ATM: variants seen among roughly 807,000 people sequenced by gnomAD.
The protein encoded by ATM is ATM serine/threonine kinase, also known as serine-protein kinase ATM.
A neutral mutation model predicts 387.0 loss-of-function variants in ATM; 308 were observed. That is an observed-to-expected ratio of 0.80 (90% CI 0.73 to 0.87). The LOEUF (loss-of-function observed/expected upper bound fraction) is 0.87, where lower values mean the gene tolerates loss of function less well. ATM is among the 40% of genes least tolerant of loss of function. The probability of loss-of-function intolerance (pLI) is 0.00; values close to 1 mark genes in which losing one functional copy is unlikely to be tolerated. For missense variants in ATM, 3,312 were observed against 3,560.9 expected (o/e 0.93, Z 1.78); for synonymous variants, 1,156 against 1,187.3 (o/e 0.97, Z 0.54).
intron 37 of ATM, among the ~76,000 whole-genome samples, chr11:108,307,546 T>C (rs1201533591): frequency 1.3e-5 from 2 of 152,216 alleles, no homozygotes; most frequent in Non-Finnish European, 2.9e-5. Context: ...ACTTATCATA[T>C]TGTGTTGTAA....
chr11:108,267,416 A>G (rs1317276665), intron 17 of ATM, 74 bp downstream of exon 17: 10 of 1,373,988 alleles, frequency 7.3e-6, no homozygotes, highest in African/African-American at 1.4e-5. Context: ...GGCCTCATTG[A>G]TATCAATTTT....
chr11:108,351,091 T>C (rs546766748), intron 59 of ATM, among the ~76,000 whole-genome samples: 7 of 152,310 alleles, frequency 4.6e-5, no homozygotes, highest in African/African-American at 1.2e-4. Flanking sequence ...GAATGAATAA[T>C]AACACACAAT....
chr11:108,242,954 T>G (rs888724282), intron 5 of ATM, among the ~76,000 whole-genome samples: 3 of 152,162 alleles, frequency 2.0e-5, no homozygotes, highest in Non-Finnish European at 4.4e-5. Flanking sequence ...GCACAGTGGC[T>G]TATGCGTGTA....
At chr11:108,258,909 A>T (rs2080684782) in intron 15 of ATM, 77 bp from the exon 16 acceptor site, 1 of 1,183,370 alleles carries the variant, frequency 8.5e-7, no homozygotes, top group Non-Finnish European at 1.3e-6. Context: ...TCCATTCAAG[A>T]TAGAGAAAAC....
chr11:108,337,086 TGAA>T (rs927058637), intron 56 of ATM, among the ~76,000 whole-genome samples: 8 of 151,742 alleles, frequency 5.3e-5, no homozygotes, highest in Admixed American at 2.0e-4. Flanking sequence ...AATAGGGGAG[TGAA>T]GAAGAATAAA....
At chr11:108,329,759 A>C (rs1164977957) in intron 49 of ATM, among the ~76,000 whole-genome samples, 3 of 152,150 alleles carry the variant, frequency 2.0e-5, no homozygotes, top group African/African-American at 7.2e-5. Flanking sequence ...TAAGATATTG[A>C]CGTGTTCTTT....
Position 108,289,770 on chromosome 11 carries a change from A to G in ATM, c.4405A>G (p.Ile1469Val). ...GAWAFVLRDV[I>V]YTLIHYINQR... The stretch of plus-strand genomic sequence containing the variant: ...TTGGGCCTTTGTTCTTCGAGACGTT[A>G]TTTATACTTTGATTCACTATATCAA... The change falls in exon 29 of 63, where the codon ATT becomes GTT. Residue 1469 changes from isoleucine to valine, a missense_variant. Ile to Val is a conservative substitution (Grantham distance 29, BLOSUM62 3). Around this residue, in one of 4 missense-constraint regions of ATM, gnomAD observed 1,791 missense variants for 1,804.5 expected, o/e 0.99. Transcript: ENST00000675843. 3 of 1,613,382 alleles carry G rather than the reference A, an allele frequency of 1.9e-6. No individual in the cohort carries two copies. The highest frequency in any genetic ancestry group is 2.5e-6 in the Non-Finnish European group (3 of 1,179,922).
intron 61 of ATM, among the ~76,000 whole-genome samples, chr11:108,356,746 G>A (rs906733256): frequency 6.6e-6 from 1 of 152,132 alleles, no homozygotes; most frequent in Non-Finnish European, 1.5e-5. Flanking sequence ...AATCTTACTA[G>A]TTTAATGCCA....
At chr11:108,300,793 A>G (rs181059485) in intron 34 of ATM, among the ~76,000 whole-genome samples, 1 of 151,670 alleles carries the variant, frequency 6.6e-6, no homozygotes, top group African/African-American at 2.4e-5. Flanking sequence ...CTTATCATAT[A>G]GTATCTATAT....
In ATM at chr11:108,347,414, A is replaced by G. The variant is rs373699888; in HGVS notation, c.8671+49A>G. 2.8e-5 allele frequency: 40 copies of G among 1,421,276 alleles called. No homozygotes were observed. In the African/African-American group the frequency reaches 5.5e-4, roughly 20 times the overall value. The allele number at this position is 1,421,276 out of a possible 1,614,324, so 88.0% of individuals were successfully genotyped here. A position where few individuals can be genotyped will look rare whatever the true frequency, so the allele number is the denominator to read the frequency against. On this transcript the variant is annotated intron_variant, in intron 59 of 62. Transcript: ENST00000675843. ...TATTCTTTTTAGTAAATATTTGGTC[A>G]TCATGGAATGTTGTTTGCCTACCAA...
At chr11:108,333,029 T>C (rs748160539) in intron 53 of ATM, 129 bp downstream of exon 53, 77 of 1,193,946 alleles carry the variant, frequency 6.4e-5, no homozygotes, top group Admixed American at 1.3e-4. Flanking sequence ...TTAATTTATA[T>C]CTGATGGCTT....
intron 57 of ATM, 29 bp downstream of exon 57, chr11:108,343,400 T>TGTA: frequency 6.2e-7 from 1 of 1,612,770 alleles, no homozygotes; most frequent in Non-Finnish European, 8.5e-7. Context: ...TAAAGGTTAT[T>TGTA]GTAAGATTAT....
chr11:108,288,501 C>CTTTTTTTTTT, intron 27 of ATM, among the ~76,000 whole-genome samples: 1 of 126,718 alleles, frequency 7.9e-6, no homozygotes, highest in Non-Finnish European at 1.6e-5. Flanking sequence ...ATATGCTTTA[C>CTTTTTTTTTT]TTTTTTTTTT....
chr11:108,287,042 T>C (rs1466749864), intron 26 of ATM: 1 of 152,400 alleles, frequency 6.6e-6, no homozygotes, highest in East Asian at 1.9e-4. Context: ...CCAAATCTGT[T>C]GGGGAGGGTT....
chr11:108,251,936 C>T lies in ATM; in HGVS notation c.1707C>T (p.Ser569=), dbSNP rs1381837075. The T allele has an allele frequency of 5.0e-6, 8 of 1,613,646 alleles. No individual in the cohort carries two copies. The Admixed American group carries it at 1.3e-4, about 27-fold the overall frequency. ...AAAATATGTGTGAAGTAAATAGAAG[C>T]TTTTCTTTAAAGGAATCAATAATGA... ...IEQNMCEVNR[S]FSLKESIMKW... Residue 569 remains serine, a synonymous_variant, in exon 11 of 63, where the codon AGC becomes AGT. Coordinates refer to ENST00000675843, the MANE Select transcript of ATM (RefSeq NM_000051.4).
At chr11:108,337,118 A>C (rs1437242714) in intron 56 of ATM, among the ~76,000 whole-genome samples, 21 of 152,160 alleles carry the variant, frequency 1.4e-4, no homozygotes, top group Admixed American at 1.4e-3. Context: ...ACCCTCCAAA[A>C]TGCTGCTTGA....
intron 37 of ATM, among the ~76,000 whole-genome samples, chr11:108,305,452 C>A (rs144920644): frequency 2.6e-5 from 4 of 151,958 alleles, no homozygotes; most frequent in Admixed American, 1.3e-4. Context: ...TGGTGGCAGG[C>A]GCCTATAATT....
At chr11:108,237,870 G>T (rs2079358891) in intron 5 of ATM, among the ~76,000 whole-genome samples, 2 of 145,092 alleles carry the variant, frequency 1.4e-5, no homozygotes, top group African/African-American at 2.6e-5. Flanking sequence ...TCCAATCCAT[G>T]AACACTGTAT....
rs2091297581 is a variant in ATM, at chr11:108,365,964, G to A, written c.*456G>A. 1 of 172,430 alleles carries A rather than the reference G, an allele frequency of 5.8e-6. No individual in the cohort carries two copies. The allele number at this position is 172,430 out of a possible 1,614,324, so 10.7% of individuals were successfully genotyped here. On this transcript the variant is annotated 3_prime_UTR_variant, in exon 63 of 63. Coordinates refer to ENST00000675843, the MANE Select transcript of ATM (RefSeq NM_000051.4). The stretch of plus-strand genomic sequence containing the variant: ...GAATCTCTTGAACCTGGGAGGTGAA[G>A]GTTGCTGTGGGCCAAAATCATGCCA...
Sources: gnomAD v4.1 joint callset for allele counts (sites outside exome capture counted in the v4.1 genomes callset) on GRCh38, gnomAD v4.1.1 for gene constraint, gnomAD v4.1.1 regional missense constraint, MANE v1.5 for transcripts, NCBI Gene and HGNC (gene_info 2026-07-23, HGNC 2026-07-21) for gene names.